MARCHF1: variants seen among roughly 807,000 people sequenced by gnomAD.
MARCHF1 encodes E3 ubiquitin-protein ligase MARCHF1.
MARCHF1 carries 40 observed loss-of-function variants against 54.2 expected under a neutral mutation model. The ratio of observed to expected loss-of-function variants is 0.74; its 90% CI spans 0.57 to 0.96. MARCHF1 has a LOEUF of 0.96. Ranked by LOEUF, MARCHF1 falls within the 40% of genes least tolerant of loss-of-function variation. The pLI, the probability that MARCHF1 is intolerant of heterozygous loss-of-function variation, is 0.00. For synonymous variants in MARCHF1, 236 were observed against 236.3 expected, an observed-to-expected ratio of 1.00 and a Z score of 0.01; for missense variants, 586 against 656.5, an observed-to-expected ratio of 0.89 and a Z score of 1.17.
chr4:163,789,275 A>G (rs889021352), intron 4 of MARCHF1, among the ~76,000 whole-genome samples: 2 of 152,026 alleles, frequency 1.3e-5, no homozygotes, highest in Non-Finnish European at 2.9e-5. Context: ...TTTGTAAAAT[A>G]TTTAAAATAA....
At chr4:163,579,882 G>A (rs546056408) in intron 8 of MARCHF1, among the ~76,000 whole-genome samples, 1 of 151,996 alleles carries the variant, frequency 6.6e-6, no homozygotes, top group East Asian at 1.9e-4. Flanking sequence ...CATTGCTGAG[G>A]GCTTTCTTAT....
intron 4 of MARCHF1, among the ~76,000 whole-genome samples, chr4:163,784,071 A>G (rs887695551): frequency 2.0e-5 from 3 of 152,202 alleles, no homozygotes; most frequent in East Asian, 1.9e-4. Context: ...GTGTTACAGC[A>G]GCACTCAATT....
chr4:163,811,832 A>G (rs1342055612), intron 4 of MARCHF1, among the ~76,000 whole-genome samples: 2 of 152,144 alleles, frequency 1.3e-5, no homozygotes, highest in Non-Finnish European at 2.9e-5. Flanking sequence ...GTGTGACATT[A>G]ATTTTATGTG....
intron 1 of MARCHF1, among the ~76,000 whole-genome samples, chr4:164,336,811 T>G (rs1246932927): frequency 6.6e-6 from 1 of 152,188 alleles, no homozygotes; most frequent in East Asian, 1.9e-4. Context: ...AGGGCTGGCA[T>G]GTACAAAAAC....
intron 7 of MARCHF1, among the ~76,000 whole-genome samples, chr4:163,594,385 CATT>C (rs1740691576): frequency 1.3e-5 from 2 of 151,210 alleles, no homozygotes; most frequent in South Asian, 4.2e-4. Context: ...AATAATACCA[CATT>C]ATTATTATAT....
Position 164,033,578 on chromosome 4 carries a change from C to CA in MARCHF1, c.-247-44870dup, listed in dbSNP as rs539826646. 5.1e-4 allele frequency among the ~76,000 whole-genome samples: 78 copies of CA among 151,912 alleles called. 1 individual carries two copies. Among genetic ancestry groups the CA allele is most frequent in the African/African-American group, 1.4e-3 (59 of 41,422 alleles). ...TACAAGGAACTTAAACAAATTTACA[C>CA]AAAAAAACAAACAATCCCATCAGAA... On this transcript the variant is annotated intron_variant, in intron 2 of 9. Transcript: ENST00000514618.
At chr4:164,297,167 A>G (rs767851859) in intron 1 of MARCHF1, among the ~76,000 whole-genome samples, 4 of 152,238 alleles carry the variant, frequency 2.6e-5, no homozygotes, top group Non-Finnish European at 4.4e-5. Context: ...AAAATTCTCA[A>G]TGCAAACAAT....
intron 1 of MARCHF1, among the ~76,000 whole-genome samples, chr4:164,243,493 C>T (rs1190811534): frequency 6.6e-6 from 1 of 152,134 alleles, no homozygotes; most frequent in African/African-American, 2.4e-5. Flanking sequence ...GTACCAGCCG[C>T]TGCAAAATCA....
chr4:163,568,469 G>T (rs957194498), intron 8 of MARCHF1, among the ~76,000 whole-genome samples: 1 of 152,122 alleles, frequency 6.6e-6, no homozygotes, highest in African/African-American at 2.4e-5. Context: ...GAAGACTGAA[G>T]ATGTAGGCTA....
intron 9 of MARCHF1, among the ~76,000 whole-genome samples, chr4:163,536,186 T>A (rs1165037315): frequency 6.6e-6 from 1 of 152,200 alleles, no homozygotes; most frequent in Non-Finnish European, 1.5e-5. Context: ...GTAGTTTCAA[T>A]GTGTTTAGAA....
At chr4:163,850,804 G>A (rs1327472211) in intron 4 of MARCHF1, among the ~76,000 whole-genome samples, 1 of 152,206 alleles carries the variant, frequency 6.6e-6, no homozygotes, top group East Asian at 1.9e-4. Context: ...AATAGTGTGT[G>A]TTGACTATTA....
intron 2 of MARCHF1, among the ~76,000 whole-genome samples, chr4:164,081,437 G>T (rs1269204968): frequency 2.6e-5 from 4 of 151,684 alleles, no homozygotes; most frequent in African/African-American, 9.7e-5. Flanking sequence ...CAATTTTTCT[G>T]ACAAAGCCCT....
At chr4:163,799,335 T>A (rs1014873378) in intron 4 of MARCHF1, among the ~76,000 whole-genome samples, 2 of 152,136 alleles carry the variant, frequency 1.3e-5, no homozygotes, top group Non-Finnish European at 2.9e-5. Context: ...ATCTAGATGT[T>A]CCTTAATTTG....
intron 3 of MARCHF1, among the ~76,000 whole-genome samples, chr4:163,881,521 G>T (rs1276996052): frequency 6.6e-6 from 1 of 152,026 alleles, no homozygotes; most frequent in African/African-American, 2.4e-5. Context: ...CACCCACTCC[G>T]CATGAGGCTG....
Position 163,785,160 on chromosome 4 carries a change from G to A in MARCHF1, c.111+68861C>T, listed in dbSNP as rs551285491. On this transcript the variant is annotated intron_variant, in intron 4 of 9. Transcript: ENST00000514618. ...TCATTGAGTACATAAGGTCTGGTGC[G>A]CTAGAAATCAGAATCACAGATTTTA... 9.9e-5 allele frequency among the ~76,000 whole-genome samples: 15 copies of A among 152,116 alleles called. 1 individual carries two copies. The East Asian group carries it at 2.7e-3, about 27-fold the overall frequency.
At chr4:163,900,375 C>T (rs1304374797) in intron 3 of MARCHF1, among the ~76,000 whole-genome samples, 2 of 151,336 alleles carry the variant, frequency 1.3e-5, no homozygotes, top group Non-Finnish European at 2.9e-5. Flanking sequence ...AATGTTTACA[C>T]ATAGTGAACT....
chr4:164,261,618 T>C (rs1283489482), intron 1 of MARCHF1, among the ~76,000 whole-genome samples: 2 of 152,150 alleles, frequency 1.3e-5, no homozygotes, highest in African/African-American at 2.4e-5. Flanking sequence ...ACATCTTAAA[T>C]CCTTTCCCCT....
intron 2 of MARCHF1, among the ~76,000 whole-genome samples, chr4:164,086,512 TA>T (rs1337427346): frequency 6.6e-6 from 1 of 152,016 alleles, no homozygotes; most frequent in African/African-American, 2.4e-5. Flanking sequence ...GAGTGATATT[TA>T]TTGAACATTA....
At chr4:164,376,828 G>A (rs940551278) in intron 1 of MARCHF1, among the ~76,000 whole-genome samples, 7 of 152,334 alleles carry the variant, frequency 4.6e-5, no homozygotes, top group African/African-American at 1.4e-4. Flanking sequence ...GTCAAAGGCT[G>A]CCTACAATGA....
Sources: gnomAD v4.1 joint callset for allele counts (sites outside exome capture counted in the v4.1 genomes callset) on GRCh38, gnomAD v4.1.1 for gene constraint, MANE v1.5 for transcripts, NCBI Gene and HGNC (gene_info 2026-07-23, HGNC 2026-07-21) for gene names.